Variants in DPYD observed in about 807,000 individuals in gnomAD.
DPYD encodes dihydropyrimidine dehydrogenase, also known as dihydropyrimidine dehydrogenase [NADP(+)].
DPYD carries 109 observed loss-of-function variants against 116.2 expected under a neutral mutation model. That is an observed-to-expected ratio of 0.94 (90% CI 0.80 to 1.10). DPYD has a LOEUF of 1.10. DPYD is among the 50% of genes least tolerant of loss of function. The pLI is 0.00. For synonymous variants in DPYD, 440 were observed against 432.0 expected (o/e 1.02, Z -0.23); for missense variants, 1,302 against 1,254.5 (o/e 1.04, Z -0.57).
rs1360808336 is a variant in DPYD, at chr1:97,523,867, T to C, written c.1525-7926A>G. On this transcript the variant is annotated intron_variant, in intron 12 of 22. Transcript: ENST00000370192. ...ATGATAAACTATCATTTAATGCGTA[T>C]AGTGTTTTAGTTTTGCAAGGTAAAA... 3.3e-4 allele frequency among the ~76,000 whole-genome samples: 50 copies of C among 152,266 alleles called. 1 individual carries two copies. The highest frequency in any genetic ancestry group is 3.3e-3 in the Admixed American group (50 of 15,294).
At chr1:97,081,102 T>C (rs1186260061) in intron 22 of DPYD, among the ~76,000 whole-genome samples, 1 of 151,480 alleles carries the variant, frequency 6.6e-6, no homozygotes, top group Non-Finnish European at 1.5e-5. Context: ...GAGTAAAAAT[T>C]TGGTGTAGAA....
intron 8 of DPYD, among the ~76,000 whole-genome samples, chr1:97,602,639 A>T (rs1054605122): frequency 6.6e-6 from 1 of 151,916 alleles, no homozygotes; most frequent in Non-Finnish European, 1.5e-5. Flanking sequence ...TTGTTTAACA[A>T]AATTATGGCT....
chr1:97,357,861 C>T (rs1033725785), intron 16 of DPYD, among the ~76,000 whole-genome samples: 6 of 152,136 alleles, frequency 3.9e-5, no homozygotes, highest in South Asian at 2.1e-4. Context: ...GGAACAGCTC[C>T]GATCTGCAGC....
At chr1:97,691,835 G>A (rs767590576) in intron 6 of DPYD, 37 bp from the exon 7 acceptor site, 21 of 1,546,596 alleles carry the variant, frequency 1.4e-5, no homozygotes, top group Non-Finnish European at 1.8e-5. Context: ...GGCATCAGTA[G>A]AAAAATGACC....
chr1:97,834,762 TA>T (rs199765558), intron 2 of DPYD, among the ~76,000 whole-genome samples: 1,954 of 142,534 alleles, frequency 0.014, 24 homozygotes, highest in African/African-American at 0.039. Flanking sequence ...TAGGTTCCTC[TA>T]AAAAAAAAAA....
At chr1:97,450,301 T>C in intron 13 of DPYD, 78 bp from the exon 14 acceptor site, 3 of 1,505,492 alleles carry the variant, frequency 2.0e-6, no homozygotes, top group Non-Finnish European at 2.7e-6. Context: ...CATTTCCATA[T>C]GACAATATTT....
intron 4 of DPYD, among the ~76,000 whole-genome samples, chr1:97,729,407 C>A (rs1340276044): frequency 6.6e-6 from 1 of 152,020 alleles, no homozygotes; most frequent in Non-Finnish European, 1.5e-5. Flanking sequence ...GGATAAGATG[C>A]CTATTCCATT....
In DPYD at chr1:97,382,325, T is replaced by C. The variant is rs1048878471; in HGVS notation, c.1974+68A>G. 4 of 901,148 alleles carry C rather than the reference T, an allele frequency of 4.4e-6. No homozygotes were observed. In the Admixed American group the frequency reaches 1.1e-4, roughly 24 times the overall value. 55.8% of individuals were successfully genotyped at this position (901,148 alleles called of 1,614,324 possible). Reference sequence around the variant, plus strand: ...CTACTGTATTATTTCTCATGGCAGCTCTTTATTTAAAACTAATAAAAATAG... The same window carrying C: ...CTACTGTATTATTTCTCATGGCAGCCCTTTATTTAAAACTAATAAAAATAG... On this transcript the variant is annotated intron_variant, in intron 15 of 22. Transcript: ENST00000370192.
intron 1 of DPYD, among the ~76,000 whole-genome samples, chr1:97,904,013 C>G (rs972408071): frequency 1.3e-5 from 2 of 151,780 alleles, no homozygotes; most frequent in African/African-American, 2.4e-5. Flanking sequence ...TTCCAACTCC[C>G]TATTCTTAGG....
chr1:97,313,020 C>T (rs146765622), intron 16 of DPYD, among the ~76,000 whole-genome samples: 8 of 151,968 alleles, frequency 5.3e-5, no homozygotes, highest in South Asian at 2.1e-4. Context: ...ACAAATTTTC[C>T]GTGCTGAACA....
intron 18 of DPYD, among the ~76,000 whole-genome samples, chr1:97,244,583 G>T (rs1011465760): frequency 6.6e-6 from 1 of 151,966 alleles, no homozygotes. Flanking sequence ...GGTAGATGCC[G>T]TATCATATGT....
intron 4 of DPYD, among the ~76,000 whole-genome samples, chr1:97,730,743 A>G (rs1663546840): frequency 6.6e-6 from 1 of 152,042 alleles, no homozygotes; most frequent in Admixed American, 6.5e-5. Context: ...ATTTGAAGAG[A>G]GAAAGAAAAA....
intron 20 of DPYD, among the ~76,000 whole-genome samples, chr1:97,147,788 G>A (rs1570549934): frequency 6.6e-6 from 1 of 152,168 alleles, no homozygotes; most frequent in East Asian, 1.9e-4. Flanking sequence ...TGTGCATCAT[G>A]TCAGGCTCAG....
chr1:97,274,984 G>A (rs1263743216), intron 18 of DPYD, among the ~76,000 whole-genome samples: 2 of 152,118 alleles, frequency 1.3e-5, no homozygotes, highest in Non-Finnish European at 2.9e-5. Context: ...GGAGTGTAAG[G>A]AAAATATTGG....
rs72549309 is a variant in DPYD, at chr1:97,740,410, GATGA to G, written c.299_302del (p.Phe100SerfsTer15). 184 of 1,612,634 alleles carry G rather than the reference GATGA, an allele frequency of 1.1e-4. No individual in the cohort carries two copies. The highest frequency in any genetic ancestry group is 1.5e-4 in the Non-Finnish European group (174 of 1,179,014). On this transcript the variant is annotated frameshift_variant, in exon 4 of 23. Transcript: ENST00000370192. LOFTEE classifies it high-confidence loss of function. ...AATTTACCTTGTTTGCAATACTTGT[GATGA>G]ATGATTTAATATCAAGATTAGTTGG... is the stretch of plus-strand genomic sequence containing the variant.
intron 19 of DPYD, among the ~76,000 whole-genome samples, chr1:97,206,689 A>AC (rs1659653951): frequency 2.0e-4 from 17 of 85,610 alleles, no homozygotes; most frequent in African/African-American, 5.6e-4. Flanking sequence ...TATATATATA[A>AC]TCTATATGCT....
chr1:97,126,816 TC>T (rs1652880320), intron 20 of DPYD, among the ~76,000 whole-genome samples: 1 of 152,208 alleles, frequency 6.6e-6, no homozygotes, highest in Non-Finnish European at 1.5e-5. Context: ...GCACATGATT[TC>T]CACATTTCAG....
chr1:97,807,788 A>G (rs1668142965), intron 3 of DPYD, among the ~76,000 whole-genome samples: 1 of 152,038 alleles, frequency 6.6e-6, no homozygotes, highest in African/African-American at 2.4e-5. Context: ...TTAGTTCTAC[A>G]CTTCATTTTG....
At chr1:97,287,535 G>A (rs1053783068) in intron 18 of DPYD, among the ~76,000 whole-genome samples, 2 of 152,152 alleles carry the variant, frequency 1.3e-5, no homozygotes, top group African/African-American at 2.4e-5. Flanking sequence ...CCCAGAGGTG[G>A]AGCCTACAGA....
Sources: gnomAD v4.1 joint callset for allele counts (sites outside exome capture counted in the v4.1 genomes callset) on GRCh38, gnomAD v4.1.1 for gene constraint, MANE v1.5 for transcripts, NCBI Gene and HGNC (gene_info 2026-07-23, HGNC 2026-07-21) for gene names.